Variants in OPA1 observed in about 807,000 individuals in gnomAD.
The protein encoded by OPA1 is dynamin-like GTPase OPA1, mitochondrial.
A neutral mutation model predicts 152.9 loss-of-function variants in OPA1; 59 were observed. The ratio of observed to expected loss-of-function variants is 0.39; its 90% CI spans 0.31 to 0.48. OPA1 has a LOEUF of 0.48. OPA1 is among the 20% of genes least tolerant of loss of function. The probability of loss-of-function intolerance (pLI) is 0.96; values close to 1 mark genes in which losing one functional copy is unlikely to be tolerated. For missense variants in OPA1, 1,008 were observed against 1,216.8 expected (o/e 0.83, Z 2.55); for synonymous variants, 400 against 389.9 (o/e 1.03, Z -0.31).
chr3:193,601,835 A>G (rs796663636), intron 1 of OPA1, among the ~76,000 whole-genome samples: 19 of 152,324 alleles, frequency 1.2e-4, no homozygotes, highest in African/African-American at 3.8e-4. Flanking sequence ...GAGTATCAAG[A>G]ATAGCTTTCC....
chr3:193,648,137 A>G lies in OPA1; in HGVS notation c.1935+3A>G, dbSNP rs398124300. 2 of 1,601,716 alleles carry G rather than the reference A, an allele frequency of 1.2e-6. No homozygotes were observed. Among genetic ancestry groups the G allele is most frequent in the Non-Finnish European group, 1.7e-6 (2 of 1,168,916 alleles). ...CTCGCCTGCGGGAACTTGACCGGGT[A>G]ATATTTGGATACTCGTGTATTTTGT... On this transcript the variant is annotated splice_donor_region_variant and intron_variant, in intron 20 of 30. Transcript: ENST00000361510.
chr3:193,644,191 C>A (rs1442491860), intron 16 of OPA1, 86 bp downstream of exon 16: 4 of 1,486,368 alleles, frequency 2.7e-6, no homozygotes, highest in Admixed American at 1.7e-5. Context: ...AAAACAACAA[C>A]AACAACAAAA....
At chr3:193,667,073 A>G (rs1157687518) in intron 28 of OPA1, 97 bp from the exon 29 acceptor site, 11 of 704,844 alleles carry the variant, frequency 1.6e-5, no homozygotes, top group Non-Finnish European at 2.8e-5. Flanking sequence ...TTCTAACATG[A>G]TAAAAAATTT....
intron 30 of OPA1, 46 bp downstream of exon 30, chr3:193,692,178 A>G (rs1310452758): frequency 1.0e-6 from 1 of 986,808 alleles, no homozygotes; most frequent in East Asian, 2.6e-5. Flanking sequence ...TAAATACAAA[A>G]TTACACTTTT....
At chr3:193,668,480 G>C (rs73069731) in intron 29 of OPA1, 1 of 1,550,830 alleles carries the variant, frequency 6.4e-7, no homozygotes, top group East Asian at 2.4e-5. Context: ...GACGCTTTGT[G>C]CCAGGTGCCT....
intron 29 of OPA1, among the ~76,000 whole-genome samples, chr3:193,669,806 T>C (rs1282121210): frequency 6.6e-6 from 1 of 152,176 alleles, no homozygotes; most frequent in East Asian, 1.9e-4. Flanking sequence ...CGCTCCCAAT[T>C]TGATTATTTA....
intron 1 of OPA1, among the ~76,000 whole-genome samples, chr3:193,611,832 C>A (rs1728295508): frequency 7.3e-6 from 1 of 136,590 alleles, no homozygotes; most frequent in Admixed American, 7.5e-5. Context: ...GAAACTGGTT[C>A]ATCTTTTCTT....
At chr3:193,619,034 C>T (rs1577169803) in intron 6 of OPA1, 98 bp downstream of exon 6, 2 of 953,954 alleles carry the variant, frequency 2.1e-6, no homozygotes. Flanking sequence ...ATCTGAGAAG[C>T]AAATACAAAA....
At chr3:193,615,634 C>T (rs1213428208) in intron 2 of OPA1, 40 bp from the exon 3 acceptor site, 2 of 1,041,610 alleles carry the variant, frequency 1.9e-6, no homozygotes, top group Non-Finnish European at 1.5e-6. Context: ...GTTTATTTGG[C>T]ATGCAGAGCA....
chr3:193,678,314 G>T (rs1719522311), intron 29 of OPA1, among the ~76,000 whole-genome samples: 2 of 145,676 alleles, frequency 1.4e-5, no homozygotes, highest in Non-Finnish European at 1.5e-5. Flanking sequence ...GAATTTGAGG[G>T]TTTTTTTTTT....
intron 25 of OPA1, 129 bp from the exon 26 acceptor site, chr3:193,662,693 T>A: frequency 3.9e-6 from 3 of 764,268 alleles, no homozygotes; most frequent in Non-Finnish European, 4.3e-6. Context: ...TGTGTTTCTT[T>A]CTTGTTTGTT....
chr3:193,614,027 G>T, intron 1 of OPA1: 1 of 514,854 alleles, frequency 1.9e-6, no homozygotes, highest in Non-Finnish European at 3.9e-6. Context: ...AGATATGGTT[G>T]TTGGTAACCT....
At chr3:193,647,629 A>G (rs921000176) in intron 19 of OPA1, among the ~76,000 whole-genome samples, 4 of 152,184 alleles carry the variant, frequency 2.6e-5, no homozygotes, top group African/African-American at 9.7e-5. Context: ...ATCCTACCTG[A>G]TCCTACCTAT....
At chr3:193,658,252 A>C (rs905018658) in intron 23 of OPA1, among the ~76,000 whole-genome samples, 1 of 127,288 alleles carries the variant, frequency 7.9e-6, no homozygotes, top group Non-Finnish European at 1.6e-5. Flanking sequence ...TTTTCAAAAA[A>C]AAAAAAAAAA....
chr3:193,637,885 C>T, intron 10 of OPA1, 67 bp from the exon 11 acceptor site: 1 of 1,280,956 alleles, frequency 7.8e-7, no homozygotes, highest in African/African-American at 1.5e-5. Flanking sequence ...AGCAGCATTA[C>T]AAATAGGTTT....
Position 193,603,626 on chromosome 3 carries a change from C to T in OPA1, c.32+10217C>T, listed in dbSNP as rs964189134. On this transcript the variant is annotated intron_variant, in intron 1 of 30. Coordinates refer to ENST00000361510, the MANE Select transcript of OPA1 (RefSeq NM_130837.3). ...CTACTCCAAAAGCATGTCTACTATC[C>T]GTAAATATTTACTGACTTGTCCTTA... is the stretch of plus-strand genomic sequence containing the variant. 4.6e-5 allele frequency: 7 copies of T among 152,156 alleles called. No homozygotes were observed. In the East Asian group the frequency reaches 5.8e-4, roughly 13 times the overall value. The allele number at this position is 152,156 out of a possible 1,614,324, so 9.4% of individuals were successfully genotyped here. A position where few individuals can be genotyped will look rare whatever the true frequency, so the allele number is the denominator to read the frequency against.
intron 5 of OPA1, 85 bp from the exon 6 acceptor site, chr3:193,618,784 T>G (rs1292488466): frequency 7.3e-6 from 8 of 1,101,406 alleles, no homozygotes; most frequent in Middle Eastern, 1.9e-4. Context: ...CCATTCACCT[T>G]TTCATTGACT....
At chr3:193,596,032 G>C (rs1054004152) in intron 1 of OPA1, among the ~76,000 whole-genome samples, 1 of 152,014 alleles carries the variant, frequency 6.6e-6, no homozygotes, top group East Asian at 1.9e-4. Context: ...TAAAGGATAA[G>C]ATACAAAACA....
intron 26 of OPA1, among the ~76,000 whole-genome samples, chr3:193,664,665 C>T (rs762397086): frequency 3.4e-4 from 52 of 151,842 alleles, no homozygotes; most frequent in Non-Finnish European, 6.6e-4. Flanking sequence ...TTTTTAAGTA[C>T]ATAAACTGGT....
Sources: gnomAD v4.1 joint callset for allele counts (sites outside exome capture counted in the v4.1 genomes callset) on GRCh38, gnomAD v4.1.1 for gene constraint, MANE v1.5 for transcripts, NCBI Gene and HGNC (gene_info 2026-07-23, HGNC 2026-07-21) for gene names.